CNRIP1: variants seen among roughly 807,000 people sequenced by gnomAD.
CNRIP1 encodes the protein cannabinoid receptor interacting protein 1, also known as CB1 cannabinoid receptor-interacting protein 1.
A neutral mutation model predicts 15.2 loss-of-function variants in CNRIP1; 10 were observed. That is an observed-to-expected ratio of 0.66 (90% confidence interval 0.41 to 1.12). The LOEUF (loss-of-function observed/expected upper bound fraction) is 1.12. Ranked by LOEUF, CNRIP1 falls within the 50% of genes most tolerant of loss-of-function variation. The pLI is 0.00. For missense variants in CNRIP1, 211 were observed against 214.7 expected, an observed-to-expected ratio of 0.98 and a Z score of 0.11; for synonymous variants, 91 against 83.2, an observed-to-expected ratio of 1.09 and a Z score of -0.51.
At chr2:68,296,773 G>C (rs1437751093) in intron 2 of CNRIP1, among the ~76,000 whole-genome samples, 1 of 152,144 alleles carries the variant, frequency 6.6e-6, no homozygotes, top group Non-Finnish European at 1.5e-5. Flanking sequence ...GAGTAGCTGG[G>C]ATTACAGGTG....
intron 1 of CNRIP1, among the ~76,000 whole-genome samples, chr2:68,317,889 A>AGAATCCTGT (rs1321056672): frequency 2.0e-4 from 31 of 152,366 alleles, no homozygotes; most frequent in Admixed American, 3.3e-4. Flanking sequence ...ATATATACTC[A>AGAATCCTGT]GGTTTGAGAA....
At chr2:68,292,072 A>G (rs1473623044), downstream of CNRIP1, among the ~76,000 whole-genome samples, 3 of 152,094 alleles carry the variant, frequency 2.0e-5, no homozygotes, top group Non-Finnish European at 2.9e-5. Context: ...TTCACTCTGC[A>G]TTTCTATTGG....
At chr2:68,302,450 G>A (rs1366729857) in intron 2 of CNRIP1, among the ~76,000 whole-genome samples, 3 of 152,164 alleles carry the variant, frequency 2.0e-5, no homozygotes, top group Non-Finnish European at 2.9e-5. Context: ...CTTTCTCCTT[G>A]GAGGGACTGA....
intron 2 of CNRIP1, among the ~76,000 whole-genome samples, chr2:68,304,084 A>AAAC (rs11412853): frequency 1.8e-4 from 18 of 97,996 alleles, no homozygotes; most frequent in African/African-American, 6.6e-4. Context: ...AAAAACAAAC[A>AAAC]AAAAAAACAA....
At chr2:68,284,822 A>G (rs1295647330) in intron 2 of CNRIP1, among the ~76,000 whole-genome samples, 1 of 151,670 alleles carries the variant, frequency 6.6e-6, no homozygotes, top group Non-Finnish European at 1.5e-5. Flanking sequence ...AAAAAAAAAA[A>G]AAAAAAGAAA....
chr2:68,307,077 C>T (rs1671881051), intron 2 of CNRIP1, among the ~76,000 whole-genome samples: 1 of 152,218 alleles, frequency 6.6e-6, no homozygotes, highest in Non-Finnish European at 1.5e-5. Flanking sequence ...AGATCCCCTT[C>T]ACATATACGT....
chr2:68,289,159 C>A (rs1671101632), downstream of CNRIP1, among the ~76,000 whole-genome samples: 1 of 152,080 alleles, frequency 6.6e-6, no homozygotes, highest in Non-Finnish European at 1.5e-5. Flanking sequence ...TTGACCTTGA[C>A]TTTTTAATCA....
rs992272741 is a variant in CNRIP1, at chr2:68,293,783, C to T, written c.*79G>A. 1 of 1,551,378 alleles carries T rather than the reference C, an allele frequency of 6.4e-7. No homozygotes were observed. The highest frequency in any genetic ancestry group is 8.7e-7 in the Non-Finnish European group (1 of 1,144,838). On this transcript the variant is annotated 3_prime_UTR_variant, in exon 3 of 3. Coordinates refer to ENST00000263655, the MANE Select transcript of CNRIP1 (RefSeq NM_015463.3). ...TGGGGAACAGCAATGGTGTGGCATG[C>T]CTTGTTTAAGGCCTGCGCTGGTTTA...
chr2:68,302,619 C>T (rs111353793), intron 2 of CNRIP1, among the ~76,000 whole-genome samples: 4 of 152,098 alleles, frequency 2.6e-5, no homozygotes, highest in Non-Finnish European at 2.9e-5. Context: ...ACTTCAGTGG[C>T]CACTCACAGC....
intron 2 of CNRIP1, among the ~76,000 whole-genome samples, chr2:68,284,719 G>A (rs1259516467): frequency 1.3e-5 from 2 of 150,054 alleles, no homozygotes; most frequent in Non-Finnish European, 3.0e-5. Flanking sequence ...GGCTGAGGCA[G>A]AGAATCACTT....
chr2:68,301,114 A>G (rs1671589994), intron 2 of CNRIP1, among the ~76,000 whole-genome samples: 1 of 152,228 alleles, frequency 6.6e-6, no homozygotes, highest in Admixed American at 6.5e-5. Context: ...CAGATTCCTC[A>G]TGGGCATATA....
chr2:68,318,187 GA>G (rs1672349569), intron 1 of CNRIP1, among the ~76,000 whole-genome samples: 1 of 152,050 alleles, frequency 6.6e-6, no homozygotes, highest in Non-Finnish European at 1.5e-5. Flanking sequence ...AGGAGTACCA[GA>G]AACCATCCAG....
At chr2:68,312,202 G>C (rs531378952) in intron 2 of CNRIP1, among the ~76,000 whole-genome samples, 14 of 151,946 alleles carry the variant, frequency 9.2e-5, no homozygotes, top group African/African-American at 3.1e-4. Context: ...ATCCCCCCCG[G>C]AACATAGATG....
At position 68,293,458 on chromosome 2, in the gene CNRIP1, T is replaced by G; in HGVS notation, c.*404A>C. On this transcript the variant is annotated 3_prime_UTR_variant, in exon 3 of 3. Coordinates refer to ENST00000263655, the MANE Select transcript of CNRIP1 (RefSeq NM_015463.3). ...TACACATGGGAGGACCCATACACAT[T>G]GTTATTTTTAAATTTAACATTGAAC... 1 of 1,000,350 alleles carries G rather than the reference T, an allele frequency of 1.0e-6. No individual in the cohort carries two copies. The highest frequency in any genetic ancestry group is 1.2e-6 in the Non-Finnish European group (1 of 837,930). 62.0% of individuals were successfully genotyped at this position (1,000,350 alleles called of 1,614,324 possible). A position where few individuals can be genotyped will look rare whatever the true frequency, so the allele number is the denominator to read the frequency against.
At chr2:68,312,930 T>C (rs72904258) in intron 2 of CNRIP1, among the ~76,000 whole-genome samples, 1,879 of 152,252 alleles carry the variant, frequency 0.012, 40 homozygotes, top group African/African-American at 0.044. Flanking sequence ...ATATTTCATG[T>C]TCATGGTATA....
At chr2:68,289,773 G>T (rs1301268740), downstream of CNRIP1, among the ~76,000 whole-genome samples, 2 of 152,138 alleles carry the variant, frequency 1.3e-5, no homozygotes, top group African/African-American at 4.8e-5. Flanking sequence ...GAGCCAACGT[G>T]CCCAGGCTCC....
At chr2:68,297,567 CAAAA>C (rs112601365) in intron 2 of CNRIP1, among the ~76,000 whole-genome samples, 45 of 98,848 alleles carry the variant, frequency 4.6e-4, no homozygotes, top group African/African-American at 1.5e-3. Flanking sequence ...GACACTGTCT[CAAAA>C]AAAAAAAAAA....
At chr2:68,315,340 A>T (rs1253915763) in intron 2 of CNRIP1, among the ~76,000 whole-genome samples, 1 of 152,190 alleles carries the variant, frequency 6.6e-6, no homozygotes. Flanking sequence ...GCAGAGAGAA[A>T]TGGATACTTA....
intron 1 of CNRIP1, among the ~76,000 whole-genome samples, 153 bp from the exon 2 acceptor site, chr2:68,317,460 C>A (rs145094182): frequency 1.3e-5 from 2 of 152,174 alleles, no homozygotes; most frequent in African/African-American, 4.8e-5. Context: ...GGGGGCAGTG[C>A]TTCTCCTATT....
Sources: gnomAD v4.1 joint callset for allele counts (sites outside exome capture counted in the v4.1 genomes callset) on GRCh38, gnomAD v4.1.1 for gene constraint, MANE v1.5 for transcripts, NCBI Gene and HGNC (gene_info 2026-07-23, HGNC 2026-07-21) for gene names.